EBF1: variants seen among roughly 807,000 people sequenced by gnomAD.
EBF1 encodes transcription factor COE1.
Under a neutral mutation model 68.4 loss-of-function variants are expected in EBF1, and 10 were observed. The observed-to-expected ratio is 0.15, with a 90% CI of 0.09 to 0.25. The LOEUF (loss-of-function observed/expected upper bound fraction) is 0.25, where lower values mean the gene tolerates loss of function less well. Among genes scored for constraint, EBF1 ranks in the 10% least tolerant of loss-of-function variants. The pLI is 1.00. For synonymous variants in EBF1, 298 were observed against 299.8 expected (o/e 0.99, Z 0.06); for missense variants, 509 against 794.4 (o/e 0.64, Z 4.32).
At chr5:158,796,819 G>A (rs1263677305) in intron 8 of EBF1, among the ~76,000 whole-genome samples, 2 of 152,042 alleles carry the variant, frequency 1.3e-5, no homozygotes, top group African/African-American at 2.4e-5. Context: ...GAATATATTG[G>A]AAACCTTACA....
At chr5:159,096,937 G>A (rs747631597) in intron 2 of EBF1, 37 bp downstream of exon 2, 1 of 1,608,116 alleles carries the variant, frequency 6.2e-7, no homozygotes, top group Non-Finnish European at 8.5e-7. Context: ...CCCGAGCCGA[G>A]CCGGGGACGA....
At chr5:158,710,766 T>A (rs954060577) in intron 14 of EBF1, among the ~76,000 whole-genome samples, 1 of 152,260 alleles carries the variant, frequency 6.6e-6, no homozygotes, top group African/African-American at 2.4e-5. Flanking sequence ...ATACTTTCAC[T>A]ATGAGACAGG....
chr5:158,864,825 T>C (rs1238771303), intron 6 of EBF1, among the ~76,000 whole-genome samples: 2 of 152,148 alleles, frequency 1.3e-5, no homozygotes, highest in Admixed American at 1.3e-4. Context: ...CCAGTGTGGC[T>C]GCAGCACAGT....
rs574616115 is a variant in EBF1, at chr5:158,939,555, T to C, written c.555-99445A>G. Reference sequence around the variant, plus strand: ...TGAAATTTAGTTAAAAGGGAAGCTATTTGGTATCTTGAATGTCAAGTTTGG... The same window carrying C: ...TGAAATTTAGTTAAAAGGGAAGCTACTTGGTATCTTGAATGTCAAGTTTGG... On this transcript the variant is annotated intron_variant, in intron 6 of 15. Transcript: ENST00000313708. Among the ~76,000 whole-genome samples the C allele has an allele frequency of 2.6e-5, 4 of 152,294 alleles. No homozygotes were observed. The South Asian group carries it at 8.3e-4, about 32-fold the overall frequency.
chr5:159,079,530 G>T (rs376998678), intron 5 of EBF1, among the ~76,000 whole-genome samples: 1 of 151,050 alleles, frequency 6.6e-6, no homozygotes, highest in East Asian at 1.9e-4. Flanking sequence ...TGCTTTCTCA[G>T]CCTTCATGTC....
At chr5:159,029,465 C>T (rs1768341828) in intron 6 of EBF1, among the ~76,000 whole-genome samples, 1 of 152,094 alleles carries the variant, frequency 6.6e-6, no homozygotes, top group Admixed American at 6.6e-5. Context: ...AGAGGGGCTT[C>T]AAGATTTCTG....
chr5:159,092,559 T>C (rs1406370717), intron 4 of EBF1, among the ~76,000 whole-genome samples: 1 of 152,228 alleles, frequency 6.6e-6, no homozygotes, highest in Non-Finnish European at 1.5e-5. Flanking sequence ...ATTGAGTACA[T>C]TTCTTTTCTA....
chr5:158,855,108 G>A (rs1336558334), intron 6 of EBF1, among the ~76,000 whole-genome samples: 1 of 152,180 alleles, frequency 6.6e-6, no homozygotes, highest in African/African-American at 2.4e-5. Context: ...CCTGCAGCGA[G>A]TTAAAAGTAA....
chr5:158,987,903 C>T (rs1165173951), intron 6 of EBF1, among the ~76,000 whole-genome samples: 1 of 152,184 alleles, frequency 6.6e-6, no homozygotes, highest in Non-Finnish European at 1.5e-5. Context: ...AGGCCTAGAT[C>T]CCCTTCTATG....
At chr5:159,047,053 T>C (rs1220559456) in intron 6 of EBF1, among the ~76,000 whole-genome samples, 2 of 152,202 alleles carry the variant, frequency 1.3e-5, no homozygotes, top group East Asian at 3.8e-4. Flanking sequence ...TCTGGCACTG[T>C]GTTTATTATT....
intron 6 of EBF1, among the ~76,000 whole-genome samples, chr5:159,000,843 G>A (rs1342291031): frequency 6.6e-6 from 1 of 152,164 alleles, no homozygotes; most frequent in Admixed American, 6.6e-5. Flanking sequence ...TATTCATAGT[G>A]AAAGATATAC....
chr5:158,824,470 A>G (rs1006856964), intron 7 of EBF1, among the ~76,000 whole-genome samples: 3 of 152,248 alleles, frequency 2.0e-5, no homozygotes, highest in Non-Finnish European at 4.4e-5. Context: ...TGCTCTCATA[A>G]TGAGGCGAGC....
chr5:158,990,125 G>A (rs1263493351), intron 6 of EBF1, among the ~76,000 whole-genome samples: 1 of 152,168 alleles, frequency 6.6e-6, no homozygotes, highest in Non-Finnish European at 1.5e-5. Context: ...TCTAGACATG[G>A]GATTGGGGCA....
chr5:158,715,141 G>C (rs1444285211), intron 11 of EBF1, among the ~76,000 whole-genome samples: 1 of 152,218 alleles, frequency 6.6e-6, no homozygotes, highest in Non-Finnish European at 1.5e-5. Context: ...GTAGGGGCTT[G>C]TCAGAGAACC....
chr5:158,880,753 T>TAG (rs1382142092), intron 6 of EBF1, among the ~76,000 whole-genome samples: 1 of 152,310 alleles, frequency 6.6e-6, no homozygotes, highest in Non-Finnish European at 1.5e-5. Context: ...AGTTGACTGC[T>TAG]AAATGAAATC....
At chr5:158,777,618 C>A in intron 9 of EBF1, 79 bp from the exon 10 acceptor site, 1 of 1,435,552 alleles carries the variant, frequency 7.0e-7, no homozygotes, top group Non-Finnish European at 9.3e-7. Flanking sequence ...TCTCCATAAA[C>A]AAAGCTTTAA....
At chr5:158,930,003 C>T (rs1404007422) in intron 6 of EBF1, among the ~76,000 whole-genome samples, 1 of 152,142 alleles carries the variant, frequency 6.6e-6, no homozygotes, top group Non-Finnish European at 1.5e-5. Context: ...CTAATGAGGT[C>T]GTTGAAAATG....
rs1031726821 is a variant in EBF1 at position 158,697,571 on chromosome 5, T to C, written c.*1540A>G. The C allele has an allele frequency of 2.9e-4, 59 of 205,794 alleles. No individual in the cohort carries two copies. The highest frequency in any genetic ancestry group is 1.2e-3 in the African/African-American group (54 of 43,944). 12.7% of individuals were successfully genotyped at this position (205,794 alleles called of 1,614,324 possible). ...TCGAAAGATAAATACATTATTTATA[T>C]GGATATTTTACAAAATCCCCTTTAA... On this transcript the variant is annotated 3_prime_UTR_variant, in exon 16 of 16. Transcript: ENST00000313708.
At chr5:158,804,907 G>A (rs576850724) in intron 8 of EBF1, among the ~76,000 whole-genome samples, 1 of 152,232 alleles carries the variant, frequency 6.6e-6, no homozygotes. Flanking sequence ...AATTGTCATG[G>A]AGGGTAAGAG....
Sources: allele counts gnomAD v4.1 joint callset (sites outside exome capture counted in the v4.1 genomes callset), GRCh38; gene constraint gnomAD v4.1.1; transcripts MANE v1.5; gene names NCBI Gene and HGNC (gene_info 2026-07-23, HGNC 2026-07-21).